CEP112: variants seen among roughly 807,000 people sequenced by gnomAD.
CEP112 encodes the protein centrosomal protein 112.
CEP112 carries 127 observed loss-of-function variants against 153.0 expected under a neutral mutation model. The ratio of observed to expected loss-of-function variants is 0.83; its 90% CI spans 0.72 to 0.96. The LOEUF (loss-of-function observed/expected upper bound fraction) is 0.96, where lower values mean the gene tolerates loss of function less well. CEP112 is among the 40% of genes least tolerant of loss of function. The probability of loss-of-function intolerance (pLI) is 0.00; values close to 1 mark genes in which losing one functional copy is unlikely to be tolerated. For missense variants in CEP112, 1,089 were observed against 1,101.2 expected (o/e 0.99, Z 0.16); for synonymous variants, 358 against 374.4 (o/e 0.96, Z 0.51).
At chr17:65,739,103 T>G (rs2050971404) in intron 23 of CEP112, among the ~76,000 whole-genome samples, 2 of 152,238 alleles carry the variant, frequency 1.3e-5, no homozygotes, top group South Asian at 4.1e-4. Context: ...AAAAGTCTGA[T>G]TAATCTGTTA....
chr17:66,111,029 TAA>T (rs2069016098), intron 6 of CEP112, among the ~76,000 whole-genome samples: 1 of 151,798 alleles, frequency 6.6e-6, no homozygotes, highest in South Asian at 2.1e-4. Context: ...ACAAGCCCAT[TAA>T]AAAGTGAGCA....
chr17:65,800,803 C>T lies in CEP112; in HGVS notation c.2395-50079G>A, dbSNP rs1407220593. On this transcript the variant is annotated intron_variant, in intron 21 of 26. Transcript: ENST00000535342. ...GTTTGTCTTTTTTAATACAGCCATC[C>T]TAGGGGGTGTGAACTAGTGTTTCAC... Among the ~76,000 whole-genome samples the T allele has an allele frequency of 2.0e-5, 3 of 152,042 alleles. No individual in the cohort carries two copies. The East Asian group carries it at 5.8e-4, about 29-fold the overall frequency.
chr17:65,811,989 A>G (rs1293512181), intron 21 of CEP112, among the ~76,000 whole-genome samples: 1 of 151,930 alleles, frequency 6.6e-6, no homozygotes, highest in African/African-American at 2.4e-5. Flanking sequence ...TCCTAATCAT[A>G]TGTATTAAAA....
chr17:66,061,417 C>T (rs769207063), intron 11 of CEP112, among the ~76,000 whole-genome samples: 47 of 151,846 alleles, frequency 3.1e-4, no homozygotes, highest in Non-Finnish European at 5.9e-4. Context: ...TCTAACAATC[C>T]CCCTACTAGA....
At chr17:66,149,625 T>C (rs1016897808) in intron 4 of CEP112, among the ~76,000 whole-genome samples, 4 of 152,232 alleles carry the variant, frequency 2.6e-5, no homozygotes, top group African/African-American at 7.2e-5. Context: ...TGGTTGCTCA[T>C]AGTCCTCTCT....
chr17:65,673,056 A>G (rs1210663740), intron 24 of CEP112, among the ~76,000 whole-genome samples: 2 of 152,160 alleles, frequency 1.3e-5, no homozygotes, highest in Non-Finnish European at 2.9e-5. Flanking sequence ...CTGGATCCTC[A>G]GCTCTGGGTA....
At chr17:65,802,613 C>A (rs1428286303) in intron 21 of CEP112, among the ~76,000 whole-genome samples, 1 of 152,146 alleles carries the variant, frequency 6.6e-6, no homozygotes, top group African/African-American at 2.4e-5. Flanking sequence ...TCAAATCTTA[C>A]AACATTCCAC....
At position 66,183,358 on chromosome 17, in the gene CEP112, C is replaced by T. The variant is rs2061552627; in HGVS notation, c.-8-51G>A. On this transcript the variant is annotated intron_variant, in intron 1 of 26. Transcript: ENST00000535342. The stretch of plus-strand genomic sequence containing the variant: ...TTAAGGATTTGTATGCTGAAAACTA[C>T]AAAACTCTGATGAGAAAGATAAAAA... The T allele has an allele frequency of 2.4e-6, 3 of 1,257,516 alleles. No homozygotes were observed. The Admixed American group carries it at 6.1e-5, about 25-fold the overall frequency. 77.9% of individuals were successfully genotyped at this position (1,257,516 alleles called of 1,614,324 possible). A position where few individuals can be genotyped will look rare whatever the true frequency, so the allele number is the denominator to read the frequency against.
chr17:66,091,946 G>A (rs939485087), intron 8 of CEP112, among the ~76,000 whole-genome samples: 2 of 151,724 alleles, frequency 1.3e-5, no homozygotes, highest in African/African-American at 4.8e-5. Context: ...ATAAATTCCT[G>A]GACACACAGA....
intron 20 of CEP112, among the ~76,000 whole-genome samples, chr17:65,855,347 G>A (rs2058089026): frequency 2.0e-5 from 3 of 152,160 alleles, no homozygotes; most frequent in African/African-American, 7.2e-5. Flanking sequence ...CTTGGGTGAG[G>A]AGTTGAAGAA....
intron 16 of CEP112, among the ~76,000 whole-genome samples, chr17:66,017,112 G>T (rs2064806684): frequency 6.6e-6 from 1 of 152,140 alleles, no homozygotes; most frequent in South Asian, 2.1e-4. Context: ...ATAACTCAAG[G>T]TTATTGTGAA....
At position 65,651,680 on chromosome 17, in the gene CEP112, TC is replaced by T. The variant is rs1454722830; in HGVS notation, c.2698-10616del. Among the ~76,000 whole-genome samples the T allele has an allele frequency of 6.6e-3, 981 of 147,542 alleles. 10 individuals carry two copies. Among genetic ancestry groups the T allele is most frequent in the African/African-American group, 0.023 (922 of 40,316 alleles). ...CTTTCTTTCTCCTTCCTTCCTTCCT[TC>T]CTTCTTTCCTTCCTTCCTTCCTTTC... On this transcript the variant is annotated intron_variant, in intron 24 of 26. Coordinates refer to ENST00000535342, the MANE Select transcript of CEP112 (RefSeq NM_001199165.4).
At chr17:65,821,538 ATATTTTTTTTT>A (rs2056578937) in intron 21 of CEP112, among the ~76,000 whole-genome samples, 3 of 39,144 alleles carry the variant, frequency 7.7e-5, no homozygotes, top group South Asian at 1.4e-3. Context: ...ATATATATAT[ATATTTTTTTTT>A]TTTTTTTTTT....
intron 24 of CEP112, among the ~76,000 whole-genome samples, chr17:65,642,792 T>C (rs1477206727): frequency 6.6e-6 from 1 of 152,246 alleles, no homozygotes; most frequent in East Asian, 1.9e-4. Flanking sequence ...GTAACATTTA[T>C]TGAGGGTTCA....
chr17:66,173,298 T>G (rs2072322259), intron 4 of CEP112, among the ~76,000 whole-genome samples: 1 of 152,208 alleles, frequency 6.6e-6, no homozygotes, highest in Non-Finnish European at 1.5e-5. Flanking sequence ...AACATATGGC[T>G]GTCTCTTAGA....
intron 24 of CEP112, among the ~76,000 whole-genome samples, chr17:65,647,862 T>C (rs569723650): frequency 2.6e-4 from 39 of 152,226 alleles, no homozygotes; most frequent in Middle Eastern, 3.4e-3. Context: ...AACTTTTACC[T>C]GTGGACTATT....
At chr17:65,746,269 T>C (rs1173189625) in intron 22 of CEP112, among the ~76,000 whole-genome samples, 1 of 151,976 alleles carries the variant, frequency 6.6e-6, no homozygotes, top group Non-Finnish European at 1.5e-5. Flanking sequence ...GTGCTTGCTT[T>C]TGTGTGGAAA....
intron 23 of CEP112, among the ~76,000 whole-genome samples, chr17:65,742,158 A>G (rs1038055219): frequency 6.6e-6 from 1 of 152,124 alleles, no homozygotes; most frequent in Non-Finnish European, 1.5e-5. Flanking sequence ...ACTCTTCCCA[A>G]CGTTACTCAG....
chr17:66,152,508 C>A (rs1005652456), intron 4 of CEP112, among the ~76,000 whole-genome samples: 6 of 152,084 alleles, frequency 3.9e-5, no homozygotes, highest in Admixed American at 2.6e-4. Flanking sequence ...CTCAGCCTCT[C>A]TAGATGGCAA....
Sources: allele counts gnomAD v4.1 joint callset (sites outside exome capture counted in the v4.1 genomes callset), GRCh38; gene constraint gnomAD v4.1.1; transcripts MANE v1.5; gene names NCBI Gene and HGNC (gene_info 2026-07-23, HGNC 2026-07-21).